Variants in OARD1 observed in about 807,000 individuals in gnomAD.
OARD1 encodes the protein O-acyl-ADP-ribose deacylase 1.
A neutral mutation model predicts 19.7 loss-of-function variants in OARD1; 19 were observed. The ratio of observed to expected loss-of-function variants is 0.96; its 90% CI spans 0.67 to 1.41. The LOEUF is 1.41. Ranked by LOEUF, OARD1 falls within the 40% of genes most tolerant of loss-of-function variation. OARD1 has a pLI of 0.00. For synonymous variants in OARD1, 70 were observed against 61.8 expected (o/e 1.13, Z -0.62); for missense variants, 190 against 183.8 (o/e 1.03, Z -0.20).
intron 1 of OARD1, chr6:41,079,123 A>C: frequency 6.2e-7 from 1 of 1,614,226 alleles, no homozygotes; most frequent in Non-Finnish European, 8.5e-7. Flanking sequence ...CAATAGTTCG[A>C]CAGAGCAGAT....
chr6:41,075,042 G>A (rs995085282), upstream of OARD1, among the ~76,000 whole-genome samples: 4 of 152,140 alleles, frequency 2.6e-5, no homozygotes, highest in African/African-American at 9.7e-5. Flanking sequence ...TCGGGGACAG[G>A]TTTTATTTTC....
chr6:41,084,695 G>A (rs1763994621), intron 1 of OARD1, among the ~76,000 whole-genome samples: 1 of 152,340 alleles, frequency 6.6e-6, no homozygotes, highest in South Asian at 2.1e-4. Context: ...AGGCGCAGTG[G>A]CTCATGCCTG....
At chr6:41,069,591 T>C (rs1443416658) in intron 4 of OARD1, 2 of 202,662 alleles carry the variant, frequency 9.9e-6, no homozygotes, top group South Asian at 1.6e-4. Context: ...CCTGGACTGT[T>C]GAAGAACCCC....
chr6:41,088,840 T>C (rs1764118259), intron 1 of OARD1, among the ~76,000 whole-genome samples: 1 of 151,976 alleles, frequency 6.6e-6, no homozygotes, highest in African/African-American at 2.4e-5. Context: ...CTCAGCCTCC[T>C]GAAGTGCTGG....
intron 1 of OARD1, among the ~76,000 whole-genome samples, chr6:41,097,092 A>G (rs974491826): frequency 2.0e-5 from 3 of 152,248 alleles, no homozygotes; most frequent in African/African-American, 7.2e-5. Flanking sequence ...CAAGGTTCTT[A>G]GGAAAGAGAT....
rs1764151537 is a variant in OARD1, at chr6:41,089,759, T to C, written c.-42+7954A>G. On this transcript the variant is annotated intron_variant, in intron 1 of 4. Transcript: ENST00000480585. Reference sequence around the variant, plus strand: ...CAGGAGCAAAACTGATTTGGAAGAGTCAGATAACTGAGTCAGATATTTCAT... The same window carrying C: ...CAGGAGCAAAACTGATTTGGAAGAGCCAGATAACTGAGTCAGATATTTCAT... 5 of 1,589,084 alleles carry C rather than the reference T, an allele frequency of 3.1e-6. No homozygotes were observed. In the East Asian group the frequency reaches 1.1e-4, roughly 36 times the overall value.
intron 1 of OARD1, chr6:41,093,149 C>G: frequency 7.0e-7 from 1 of 1,437,500 alleles, no homozygotes; most frequent in Non-Finnish European, 9.5e-7. Context: ...TTGAAATTAT[C>G]TTTTATATGG....
In OARD1 at chr6:41,066,152, G is replaced by A. The variant is rs1338871360; in HGVS notation, c.*1183C>T. 6.6e-6 allele frequency: 1 copy of A among 152,028 alleles called. No individual in the cohort carries two copies. The highest frequency in any genetic ancestry group is 1.5e-5 in the Non-Finnish European group (1 of 68,026). The allele number at this position is 152,028 out of a possible 1,614,324, so 9.4% of individuals were successfully genotyped here. On this transcript the variant is annotated 3_prime_UTR_variant, in exon 6 of 6. Transcript: ENST00000424266. ...AAATTTTTTTTTTTAATTGAGATAG[G>A]GTCTTGCTCTGTTGCCCACACTGGA...
chr6:41,084,963 A>C (rs1241369167), intron 1 of OARD1, among the ~76,000 whole-genome samples: 1 of 152,242 alleles, frequency 6.6e-6, no homozygotes, highest in Non-Finnish European at 1.5e-5. Context: ...TCTGTCTCAA[A>C]AAAAAAGAAG....
At chr6:41,097,074 G>A (rs1764378146) in intron 1 of OARD1, among the ~76,000 whole-genome samples, 2 of 152,154 alleles carry the variant, frequency 1.3e-5, no homozygotes, top group Non-Finnish European at 2.9e-5. Context: ...TAAGTATAGA[G>A]AACAACACAA....
chr6:41,088,703 G>C (rs1367839144), intron 1 of OARD1, among the ~76,000 whole-genome samples: 2 of 151,606 alleles, frequency 1.3e-5, no homozygotes, highest in African/African-American at 2.4e-5. Context: ...TCCCACCTCA[G>C]TTCCCCAAGT....
At chr6:41,090,137 G>T in intron 1 of OARD1, 1 of 1,070,588 alleles carries the variant, frequency 9.3e-7, no homozygotes, top group Non-Finnish European at 1.4e-6. Flanking sequence ...TTTTTTTTAA[G>T]GACTACATCG....
intron 1 of OARD1, among the ~76,000 whole-genome samples, chr6:41,081,286 G>A (rs923014243): frequency 3.9e-5 from 6 of 151,946 alleles, no homozygotes; most frequent in Non-Finnish European, 8.8e-5. Flanking sequence ...TCAGGAGATC[G>A]AGACCATCCT....
chr6:41,090,644 A>G (rs1271500237), intron 1 of OARD1, among the ~76,000 whole-genome samples: 1 of 152,222 alleles, frequency 6.6e-6, no homozygotes, highest in Admixed American at 6.5e-5. Context: ...TTAGAGTGCT[A>G]TTGCTGCTTA....
chr6:41,091,741 A>G (rs976088334), intron 1 of OARD1: 9 of 1,590,276 alleles, frequency 5.7e-6, no homozygotes, highest in Middle Eastern at 1.7e-4. Context: ...TTTCTTGAAC[A>G]TGCAACTTGA....
intron 1 of OARD1, among the ~76,000 whole-genome samples, chr6:41,095,880 G>T (rs1214001254): frequency 6.6e-6 from 1 of 152,164 alleles, no homozygotes; most frequent in Non-Finnish European, 1.5e-5. Context: ...TTGTATTTAA[G>T]TACTGACTTA....
At chr6:41,071,002 T>C (rs1763312192) in intron 3 of OARD1, 130 bp downstream of exon 3, 1 of 967,526 alleles carries the variant, frequency 1.0e-6, no homozygotes, top group African/African-American at 1.6e-5. Context: ...GAGGCCATTC[T>C]TGGGGAGGAA....
chr6:41,067,947 A>G (rs967263691), intron 5 of OARD1, among the ~76,000 whole-genome samples: 9 of 152,080 alleles, frequency 5.9e-5, no homozygotes, highest in Non-Finnish European at 1.3e-4. Context: ...GGTAAGAATA[A>G]ACTCAGTCCA....
intron 5 of OARD1, among the ~76,000 whole-genome samples, chr6:41,067,860 A>C (rs1451632435): frequency 3.3e-5 from 5 of 152,186 alleles, no homozygotes; most frequent in African/African-American, 1.2e-4. Flanking sequence ...CAGGATCTGC[A>C]AAAAAGAAAG....
Sources: gnomAD v4.1 joint callset for allele counts (sites outside exome capture counted in the v4.1 genomes callset) on GRCh38, gnomAD v4.1.1 for gene constraint, MANE v1.5 for transcripts, NCBI Gene and HGNC (gene_info 2026-07-23, HGNC 2026-07-21) for gene names.